Variants in SBDS observed in about 807,000 individuals in gnomAD.
The protein encoded by SBDS is SBDS ribosome maturation factor, also known as ribosome maturation protein SBDS.
A neutral mutation model predicts 26.4 loss-of-function variants in SBDS; 20 were observed. That is an observed-to-expected ratio of 0.76 (90% CI 0.53 to 1.10). SBDS has a LOEUF of 1.10. Among genes scored for constraint, SBDS ranks in the 50% least tolerant of loss-of-function variants. SBDS has a pLI of 0.00. For synonymous variants in SBDS, 95 were observed against 105.1 expected (o/e 0.90, Z 0.59); for missense variants, 241 against 302.0 (o/e 0.80, Z 1.50).
chr7:66,995,395 T>G lies in SBDS; in HGVS notation c.23A>C (p.Asn8Thr). The G allele has an allele frequency of 1.2e-6, 2 of 1,613,920 alleles. No individual in the cohort carries two copies. Among genetic ancestry groups the G allele is most frequent in the Non-Finnish European group, 8.5e-7 (1 of 1,179,980 alleles). The change falls in exon 1 of 5, where the codon AAC becomes ACC. Residue 8 changes from asparagine (N) to threonine (T), a missense_variant. By Grantham distance (65) the Asn-to-Thr change is moderately conservative. Transcript: ENST00000246868. ...GGCCACATTGGTTAGGCGGATCTGGTTGGTGGGGGTGAAGATCGACATCGC... is the reference window on the plus strand; with the variant it reads ...GGCCACATTGGTTAGGCGGATCTGGGTGGTGGGGGTGAAGATCGACATCGC... MSIFTPT[N>T]QIRLTNVAVV...
chr7:66,990,489 ACT>A (rs1038439641), intron 4 of SBDS, among the ~76,000 whole-genome samples: 1 of 152,056 alleles, frequency 6.6e-6, no homozygotes, highest in African/African-American at 2.4e-5. Context: ...ATCTCTGAAA[ACT>A]CAATGTAAAT....
chr7:66,991,535 G>T (rs576767043), intron 3 of SBDS, among the ~76,000 whole-genome samples: 1 of 152,140 alleles, frequency 6.6e-6, no homozygotes, highest in African/African-American at 2.4e-5. Context: ...GCTCACGCCT[G>T]TAATTCCAGC....
rs575644216 is a variant in SBDS, at chr7:66,992,905, G to C, written c.459+312C>G. Among the ~76,000 whole-genome samples the C allele has an allele frequency of 7.9e-5, 12 of 151,910 alleles. No individual in the cohort carries two copies. In the South Asian group the frequency reaches 2.5e-3, roughly 32 times the overall value. On this transcript the variant is annotated intron_variant, in intron 3 of 4. Transcript: ENST00000246868. ...GCCTATAATCCCAGCTACTCAGGAG[G>C]CTGAGGCAGGAGACTTGCTTGAACG...
intron 4 of SBDS, among the ~76,000 whole-genome samples, 183 bp from the exon 5 acceptor site, chr7:66,988,682 C>T (rs1275904082): frequency 6.6e-6 from 1 of 152,106 alleles, no homozygotes; most frequent in African/African-American, 2.4e-5. Context: ...AGCCTCTGCC[C>T]TCAAGTGTCC....
In SBDS at chr7:66,988,515, TAGC is replaced by T; in HGVS notation, c.625-19_625-17del. ...TCAGACATACCTGAAACATTTAACGTAGCAGATTACCACATGAGGATGAGCAAG... is the reference window on the plus strand; with the variant it reads ...TCAGACATACCTGAAACATTTAACGTAGATTACCACATGAGGATGAGCAAG... On this transcript the variant is annotated splice_polypyrimidine_tract_variant and intron_variant, in intron 4 of 4. Coordinates refer to ENST00000246868, the MANE Select transcript of SBDS (RefSeq NM_016038.4). The T allele has an allele frequency of 6.2e-7, 1 of 1,612,634 alleles. No individual in the cohort carries two copies. The highest frequency in any genetic ancestry group is 8.5e-7 in the Non-Finnish European group (1 of 1,179,880).
intron 2 of SBDS, 32 bp from the exon 3 acceptor site, chr7:66,993,449 C>T (rs1463765640): frequency 4.0e-6 from 6 of 1,493,514 alleles, no homozygotes; most frequent in Non-Finnish European, 5.6e-6. Flanking sequence ...TAAGAAATCA[C>T]TATCTTTCTC....
Position 66,988,457 on chromosome 7 carries a change from G to A in SBDS, c.667C>T (p.Leu223=). The A allele has an allele frequency of 6.2e-7, 1 of 1,613,648 alleles. No homozygotes were observed. Among genetic ancestry groups the A allele is most frequent in the Non-Finnish European group, 8.5e-7 (1 of 1,179,932 alleles). Residue 223 remains leucine, a synonymous_variant, in exon 5 of 5, where the codon CTA becomes TTA. Transcript: ENST00000246868. ...TTGCCTTTAGTTTCCTTTTTTATTA[G>A]CTCATCAATTTCTCGGAAGCAGCCC... ...DPGCFREIDE[L]IKKETKGKGS...
Position 66,991,325 on chromosome 7 carries a change from C to T in SBDS, c.460-24G>A, listed in dbSNP as rs766637359. ...GCCTACCAAGACAAAATCGAGAATG[C>T]AATTTCTTCTACTATATTATTTCAT... On this transcript the variant is annotated intron_variant, in intron 3 of 4. Transcript: ENST00000246868. 13 of 1,574,708 alleles carry T rather than the reference C, an allele frequency of 8.3e-6. No homozygotes were observed. In the East Asian group the frequency reaches 2.7e-4, roughly 33 times the overall value.
rs1792902899 is a variant in SBDS, at chr7:66,987,988, A to G, written c.*383T>C. The G allele has an allele frequency of 3.8e-6, 1 of 265,540 alleles. No homozygotes were observed. The highest frequency in any genetic ancestry group is 7.3e-6 in the Non-Finnish European group (1 of 136,924). 16.4% of individuals were successfully genotyped at this position (265,540 alleles called of 1,614,324 possible). Reference sequence around the variant, plus strand: ...CATCATATGTTTTCTTTTTTAGGAAAGACCCCCCCTTTTGTTGTATAGACA... The same window carrying G: ...CATCATATGTTTTCTTTTTTAGGAAGGACCCCCCCTTTTGTTGTATAGACA... On this transcript the variant is annotated 3_prime_UTR_variant, in exon 5 of 5. Coordinates refer to ENST00000246868, the MANE Select transcript of SBDS (RefSeq NM_016038.4).
At chr7:66,995,195 C>A (rs1293660363) in intron 1 of SBDS, 95 bp downstream of exon 1, 1 of 1,553,230 alleles carries the variant, frequency 6.4e-7, no homozygotes, top group Non-Finnish European at 8.9e-7. Flanking sequence ...GCCAACACCC[C>A]AGCCTGGCCC....
chr7:66,993,823 G>A (rs1187611486), intron 2 of SBDS, among the ~76,000 whole-genome samples: 1 of 151,792 alleles, frequency 6.6e-6, no homozygotes, highest in Non-Finnish European at 1.5e-5. Flanking sequence ...GCAGTGAGCT[G>A]AGTGCAGTGA....
chr7:66,994,778 T>A (rs1266032925), intron 1 of SBDS, among the ~76,000 whole-genome samples: 2 of 152,158 alleles, frequency 1.3e-5, no homozygotes. Context: ...CAGAACCGTA[T>A]TTGCCTTACC....
intron 3 of SBDS, among the ~76,000 whole-genome samples, chr7:66,992,115 A>G (rs117733772): frequency 0.028 from 4,239 of 152,356 alleles, 115 homozygotes; most frequent in East Asian, 0.099. Flanking sequence ...AATGTCTATC[A>G]ACTGATAGAT....
In SBDS at chr7:66,995,450, C is replaced by G. The variant is rs897405945; in HGVS notation, c.-33G>C. The stretch of plus-strand genomic sequence containing the variant: ...GTTCAAAGACCCAGAAGCCGGCGAA[C>G]CAGGGCTGACCCGCGCCGTCCAGCC... On this transcript the variant is annotated 5_prime_UTR_variant, in exon 1 of 5. Coordinates refer to ENST00000246868, the MANE Select transcript of SBDS (RefSeq NM_016038.4). 6.2e-7 allele frequency: 1 copy of G among 1,612,568 alleles called. No homozygotes were observed. The highest frequency in any genetic ancestry group is 8.5e-7 in the Non-Finnish European group (1 of 1,179,906).
chr7:66,990,754 C>A (rs1038219409), intron 4 of SBDS, among the ~76,000 whole-genome samples: 3 of 152,130 alleles, frequency 2.0e-5, no homozygotes, highest in African/African-American at 7.2e-5. Context: ...CGGTGGCTCA[C>A]GCCTGTAATC....
rs1792898450 is a variant in SBDS, at chr7:66,987,760, T to C, written c.*611A>G. ...ACAATTTTAGCTATATTAATATATA[T>C]TATAAACTTTAAGAATTAGAAATAA... On this transcript the variant is annotated 3_prime_UTR_variant, in exon 5 of 5. Coordinates refer to ENST00000246868, the MANE Select transcript of SBDS (RefSeq NM_016038.4). 1 of 175,046 alleles carries C rather than the reference T, an allele frequency of 5.7e-6. No individual in the cohort carries two copies. The highest frequency in any genetic ancestry group is 2.0e-4 in the South Asian group (1 of 5,062). 10.8% of individuals were successfully genotyped at this position (175,046 alleles called of 1,614,324 possible). A position where few individuals can be genotyped will look rare whatever the true frequency, so the allele number is the denominator to read the frequency against.
chr7:66,990,764 C>G (rs1342868114), intron 4 of SBDS, among the ~76,000 whole-genome samples: 2 of 152,092 alleles, frequency 1.3e-5, no homozygotes, highest in Admixed American at 6.6e-5. Flanking sequence ...CGCCTGTAAT[C>G]CCTGCACTTT....
intron 2 of SBDS, 98 bp from the exon 3 acceptor site, chr7:66,993,515 A>G: frequency 1.0e-6 from 1 of 960,770 alleles, no homozygotes; most frequent in Non-Finnish European, 1.6e-6. Flanking sequence ...ATGGAGAGAA[A>G]ATTAAATTTC....
rs1379655165 is a variant in SBDS, at chr7:66,991,218, A to G, written c.543T>C (p.Asn181=). 3.1e-6 allele frequency: 5 copies of G among 1,613,772 alleles called. No individual in the cohort carries two copies. Among genetic ancestry groups the G allele is most frequent in the Non-Finnish European group, 4.2e-6 (5 of 1,179,886 alleles). Residue 181 remains asparagine, a synonymous_variant, in exon 4 of 5, where the codon AAT becomes AAC. Coordinates refer to ENST00000246868, the MANE Select transcript of SBDS (RefSeq NM_016038.4). Reference sequence around the variant, plus strand: ...GCTTTTCTTTCAGCTTCTTGCCTTCATTGACTGGAAGGATGAACCGAAGCC... The same window carrying G: ...GCTTTTCTTTCAGCTTCTTGCCTTCGTTGACTGGAAGGATGAACCGAAGCC... ...HMRLRFILPV[N]EGKKLKEKLK... is the part of the protein sequence containing the mutation.
Sources: gnomAD v4.1 joint callset for allele counts (sites outside exome capture counted in the v4.1 genomes callset) on GRCh38, gnomAD v4.1.1 for gene constraint, MANE v1.5 for transcripts, NCBI Gene and HGNC (gene_info 2026-07-23, HGNC 2026-07-21) for gene names.